CNTN5: variants seen among roughly 807,000 people sequenced by gnomAD.
CNTN5 encodes the protein contactin 5, also known as contactin-5.
Under a neutral mutation model 129.1 loss-of-function variants are expected in CNTN5, and 77 were observed. The observed-to-expected ratio is 0.60, with a 90% confidence interval of 0.50 to 0.72. The LOEUF (loss-of-function observed/expected upper bound fraction) is 0.72, where lower values mean the gene tolerates loss of function less well. CNTN5 is among the 30% of genes least tolerant of loss of function. The probability of loss-of-function intolerance (pLI) is 0.00; values close to 1 mark genes in which losing one functional copy is unlikely to be tolerated. For missense variants in CNTN5, 1,478 were observed against 1,328.8 expected (o/e 1.11, Z -1.75); for synonymous variants, 509 against 465.6 (o/e 1.09, Z -1.20).
intron 1 of CNTN5, among the ~76,000 whole-genome samples, chr11:99,313,942 G>C (rs147401798): frequency 3.9e-5 from 6 of 151,982 alleles, no homozygotes; most frequent in East Asian, 1.9e-4. Flanking sequence ...CATATCCTAG[G>C]CTACAAATGA....
chr11:100,198,562 G>A (rs1424197311), intron 15 of CNTN5, among the ~76,000 whole-genome samples: 1 of 151,926 alleles, frequency 6.6e-6, no homozygotes, highest in African/African-American at 2.4e-5. Context: ...AACCTAAGGT[G>A]AGAAAAGATA....
chr11:99,837,405 T>C (rs1947340795), intron 4 of CNTN5, among the ~76,000 whole-genome samples: 1 of 152,178 alleles, frequency 6.6e-6, no homozygotes, highest in Non-Finnish European at 1.5e-5. Flanking sequence ...ACAGAAAGTT[T>C]TGGAACCACT....
chr11:99,388,982 CTTATT>C (rs527528323), intron 2 of CNTN5, among the ~76,000 whole-genome samples: 15,768 of 120,262 alleles, frequency 0.13, 1,179 homozygotes, highest in African/African-American at 0.22. Context: ...TTCTCCAGTC[CTTATT>C]TTATTTTATT....
chr11:100,105,028 G>A (rs150049117), intron 13 of CNTN5, among the ~76,000 whole-genome samples: 1 of 152,092 alleles, frequency 6.6e-6, no homozygotes, highest in Non-Finnish European at 1.5e-5. Context: ...AAGGCAGGAC[G>A]GTATATTTTA....
chr11:99,178,895 G>T (rs904978963), intron 1 of CNTN5, among the ~76,000 whole-genome samples: 2 of 151,900 alleles, frequency 1.3e-5, no homozygotes, highest in African/African-American at 4.8e-5. Flanking sequence ...CCCAAATTGT[G>T]CCAGAAACTG....
chr11:99,828,884 A>G (rs922606526), intron 4 of CNTN5, among the ~76,000 whole-genome samples: 2 of 152,204 alleles, frequency 1.3e-5, no homozygotes, highest in African/African-American at 4.8e-5. Flanking sequence ...GAGCTTTTGT[A>G]TAAAATATTC....
At chr11:100,232,802 A>T (rs1285369610) in intron 16 of CNTN5, among the ~76,000 whole-genome samples, 2 of 152,222 alleles carry the variant, frequency 1.3e-5, no homozygotes, top group East Asian at 3.8e-4. Flanking sequence ...TTACCCATGT[A>T]TGAGCAGCAC....
At chr11:99,763,983 A>C (rs1009707874) in intron 3 of CNTN5, among the ~76,000 whole-genome samples, 35 of 152,114 alleles carry the variant, frequency 2.3e-4, no homozygotes, top group African/African-American at 6.8e-4. Context: ...TGTGGATTTC[A>C]AATAACCATG....
intron 18 of CNTN5, among the ~76,000 whole-genome samples, chr11:100,286,070 C>A (rs186451638): frequency 2.7e-4 from 41 of 152,350 alleles, no homozygotes; most frequent in Admixed American, 9.8e-4. Context: ...CGGCCCAACA[C>A]GAGATTATAT....
chr11:100,026,833 T>C (rs1267470231), intron 9 of CNTN5, among the ~76,000 whole-genome samples: 1 of 152,192 alleles, frequency 6.6e-6, no homozygotes, highest in Non-Finnish European at 1.5e-5. Flanking sequence ...CTTGTCTTTT[T>C]ATTCTCTTGA....
chr11:99,788,835 A>G, intron 3 of CNTN5, among the ~76,000 whole-genome samples: 1 of 151,896 alleles, frequency 6.6e-6, no homozygotes, highest in Non-Finnish European at 1.5e-5. Flanking sequence ...GAAAAAATCT[A>G]TTTTATATAC....
At chr11:100,014,100 G>T (rs1940686247) in intron 9 of CNTN5, among the ~76,000 whole-genome samples, 1 of 151,986 alleles carries the variant, frequency 6.6e-6, no homozygotes, top group African/African-American at 2.4e-5. Context: ...TTGGAAATTA[G>T]GTACCAAGTG....
At chr11:99,415,317 A>C (rs1452341627) in intron 2 of CNTN5, among the ~76,000 whole-genome samples, 1 of 131,026 alleles carries the variant, frequency 7.6e-6, no homozygotes, top group Admixed American at 8.4e-5. Context: ...TGACTGGATA[A>C]AAAAAAAATG....
At chr11:100,058,440 G>A (rs1565836918) in intron 9 of CNTN5, among the ~76,000 whole-genome samples, 2 of 151,982 alleles carry the variant, frequency 1.3e-5, no homozygotes, top group Non-Finnish European at 2.9e-5. Context: ...ACTCACCAAC[G>A]AATAAGCTCA....
Position 99,489,330 on chromosome 11 carries a change from T to G in CNTN5, c.-70-66815T>G, listed in dbSNP as rs542664831. Among the ~76,000 whole-genome samples, 6 of 152,264 alleles carry G rather than the reference T, an allele frequency of 3.9e-5. No individual in the cohort carries two copies. The East Asian group carries it at 1.2e-3, about 29-fold the overall frequency. On this transcript the variant is annotated intron_variant, in intron 2 of 24. Transcript: ENST00000524871. ...ATCAGCCTTCAAATGCAATAGAGCG[T>G]TATTTATTCTGGTATATAAGCATGT...
chr11:100,281,291 C>A (rs946861234), intron 18 of CNTN5, among the ~76,000 whole-genome samples: 1 of 152,046 alleles, frequency 6.6e-6, no homozygotes, highest in Non-Finnish European at 1.5e-5. Flanking sequence ...TTGATGAAAT[C>A]CCTCAGCTTT....
At chr11:99,542,434 T>C (rs1948149572) in intron 2 of CNTN5, among the ~76,000 whole-genome samples, 1 of 152,196 alleles carries the variant, frequency 6.6e-6, no homozygotes, top group Non-Finnish European at 1.5e-5. Flanking sequence ...TCTTTCTATG[T>C]CTGGCTTATT....
intron 1 of CNTN5, among the ~76,000 whole-genome samples, chr11:99,268,015 A>T (rs1044096423): frequency 6.6e-6 from 1 of 151,478 alleles, no homozygotes. Flanking sequence ...CATGGTGTCC[A>T]CATGACAGAG....
At chr11:100,353,624 G>C (rs1037805036) in intron 24 of CNTN5, among the ~76,000 whole-genome samples, 1 of 151,582 alleles carries the variant, frequency 6.6e-6, no homozygotes, top group Admixed American at 6.6e-5. Flanking sequence ...TACGACTCCA[G>C]TGAGTCTTTG....
Sources: allele counts gnomAD v4.1 joint callset (sites outside exome capture counted in the v4.1 genomes callset), GRCh38; gene constraint gnomAD v4.1.1; transcripts MANE v1.5; gene names NCBI Gene and HGNC (gene_info 2026-07-23, HGNC 2026-07-21).